Variants in NTM observed in about 807,000 individuals in gnomAD.
The protein encoded by NTM is neurotrimin.
A neutral mutation model predicts 42.1 loss-of-function variants in NTM; 13 were observed. The ratio of observed to expected loss-of-function variants is 0.31; its 90% CI spans 0.20 to 0.49. The LOEUF is 0.49. Ranked by LOEUF, NTM falls within the 20% of genes least tolerant of loss-of-function variation. The probability of loss-of-function intolerance (pLI) is 0.99; values close to 1 mark genes in which losing one functional copy is unlikely to be tolerated. For missense variants in NTM, 373 were observed against 452.8 expected (o/e 0.82, Z 1.60); for synonymous variants, 187 against 179.2 (o/e 1.04, Z -0.35).
intron 1 of NTM, among the ~76,000 whole-genome samples, chr11:131,602,471 TA>T (rs1460210323): frequency 6.6e-6 from 1 of 152,348 alleles, no homozygotes; most frequent in African/African-American, 2.4e-5. Flanking sequence ...AGACTGGTTG[TA>T]CTTAATATTC....
chr11:131,983,468 C>T (rs573743200), intron 2 of NTM, among the ~76,000 whole-genome samples: 12 of 151,056 alleles, frequency 7.9e-5, no homozygotes, highest in South Asian at 6.3e-4. Context: ...CTCTGCCTCC[C>T]GGGTTCAAGC....
intron 1 of NTM, among the ~76,000 whole-genome samples, chr11:131,551,435 A>C (rs2054649173): frequency 1.3e-5 from 2 of 152,086 alleles, no homozygotes; most frequent in South Asian, 4.2e-4. Flanking sequence ...AAAAAAAAAA[A>C]CGCACGATTG....
intron 1 of NTM, among the ~76,000 whole-genome samples, chr11:131,722,035 G>T (rs1354901451): frequency 1.9e-5 from 2 of 106,954 alleles, no homozygotes; most frequent in African/African-American, 7.1e-5. Context: ...GAGAAAGAAA[G>T]AAAATAATGC....
intron 1 of NTM, among the ~76,000 whole-genome samples, chr11:131,500,141 A>G (rs188096413): frequency 1.0e-3 from 156 of 152,302 alleles, no homozygotes; most frequent in African/African-American, 3.6e-3. Flanking sequence ...TCCAAACCCC[A>G]CAGTCCCTGA....
intron 2 of NTM, among the ~76,000 whole-genome samples, chr11:132,032,268 C>T (rs968407647): frequency 6.6e-6 from 1 of 152,166 alleles, no homozygotes; most frequent in African/African-American, 2.4e-5. Context: ...GATGCTCTGG[C>T]TTTGTCTCCT....
chr11:131,997,274 T>C (rs1356744024), intron 2 of NTM, among the ~76,000 whole-genome samples: 4 of 152,196 alleles, frequency 2.6e-5, no homozygotes, highest in African/African-American at 9.6e-5. Flanking sequence ...GGAGGGCAGA[T>C]TACCCCTCAG....
intron 1 of NTM, among the ~76,000 whole-genome samples, chr11:131,763,378 C>T (rs994625529): frequency 6.6e-6 from 1 of 152,170 alleles, no homozygotes; most frequent in Non-Finnish European, 1.5e-5. Context: ...AACTCCACCC[C>T]ACGTGCACCC....
chr11:132,000,347 T>C (rs2068955892), intron 2 of NTM, among the ~76,000 whole-genome samples: 1 of 152,238 alleles, frequency 6.6e-6, no homozygotes, highest in Non-Finnish European at 1.5e-5. Context: ...ACTCCTTGTC[T>C]CTTTGCAAAC....
chr11:132,197,218 G>C (rs571973309), intron 3 of NTM, among the ~76,000 whole-genome samples: 1 of 151,452 alleles, frequency 6.6e-6, no homozygotes, highest in African/African-American at 2.4e-5. Flanking sequence ...AAGATGGAAG[G>C]GTAGATCTGC....
At chr11:132,162,561 G>T (rs913583851) in intron 3 of NTM, among the ~76,000 whole-genome samples, 1 of 149,654 alleles carries the variant, frequency 6.7e-6, no homozygotes, top group Non-Finnish European at 1.5e-5. Context: ...TGCGTGAGGA[G>T]TGTGGATGTG....
chr11:131,901,280 C>T (rs924074044), intron 1 of NTM, among the ~76,000 whole-genome samples: 1 of 152,228 alleles, frequency 6.6e-6, no homozygotes, highest in Non-Finnish European at 1.5e-5. Context: ...CTCCAGCATT[C>T]ATGCCCAATC....
chr11:131,372,119 T>C (rs1941295901), intron 1 of NTM, among the ~76,000 whole-genome samples: 1 of 152,124 alleles, frequency 6.6e-6, no homozygotes, highest in Non-Finnish European at 1.5e-5. Context: ...CCTCTTGACA[T>C]AGGTTGCAGT....
intron 3 of NTM, among the ~76,000 whole-genome samples, chr11:132,211,505 G>A (rs1209222910): frequency 6.6e-6 from 1 of 152,234 alleles, no homozygotes; most frequent in East Asian, 1.9e-4. Context: ...TGGAGAACAA[G>A]GGAGTCAGCA....
At chr11:131,734,832 C>T (rs1191798830) in intron 1 of NTM, among the ~76,000 whole-genome samples, 2 of 152,132 alleles carry the variant, frequency 1.3e-5, no homozygotes, top group African/African-American at 4.8e-5. Flanking sequence ...TATTATTTCT[C>T]CACCCAGGAG....
chr11:131,985,676 A>T (rs2065950865), intron 2 of NTM, among the ~76,000 whole-genome samples: 1 of 152,092 alleles, frequency 6.6e-6, no homozygotes. Flanking sequence ...AGGGCCCGGG[A>T]TTAGGCAGTT....
chr11:131,376,667 ATT>A lies in NTM; in HGVS notation c.82+5795_82+5796del, dbSNP rs33999798. Among the ~76,000 whole-genome samples, 765 of 145,074 alleles carry A rather than the reference ATT, an allele frequency of 5.3e-3. 2 individuals are homozygous for A. Among genetic ancestry groups the A allele is most frequent in the Admixed American group, 0.014 (200 of 14,648 alleles). ...AGGACATCTTAGGTTACTAAATTTG[ATT>A]TTTTTTTTTTTTTTTAGCTTCAGTG... On this transcript the variant is annotated intron_variant, in intron 1 of 8. Coordinates refer to ENST00000683400, the MANE Select transcript of NTM (RefSeq NM_001352005.2).
At chr11:132,294,057 A>G (rs2094536686) in intron 4 of NTM, among the ~76,000 whole-genome samples, 1 of 152,198 alleles carries the variant, frequency 6.6e-6, no homozygotes, top group African/African-American at 2.4e-5. Context: ...TGTGCAGGCT[A>G]GCTGTCCCCA....
intron 1 of NTM, among the ~76,000 whole-genome samples, chr11:131,656,676 G>A (rs1262149602): frequency 6.6e-6 from 1 of 152,176 alleles, no homozygotes; most frequent in East Asian, 1.9e-4. Flanking sequence ...AAGAGCTGGG[G>A]AGGAGGAGGA....
At chr11:132,154,267 G>A (rs989626413) in intron 3 of NTM, among the ~76,000 whole-genome samples, 13 of 152,136 alleles carry the variant, frequency 8.5e-5, no homozygotes, top group Non-Finnish European at 1.5e-4. Context: ...TTTGACAATG[G>A]ACAAATACTC....
Sources: allele counts gnomAD v4.1 joint callset (sites outside exome capture counted in the v4.1 genomes callset), GRCh38; gene constraint gnomAD v4.1.1; transcripts MANE v1.5; gene names NCBI Gene and HGNC (gene_info 2026-07-23, HGNC 2026-07-21).